Variants in RABGAP1L observed in about 807,000 individuals in gnomAD.
The protein encoded by RABGAP1L is rab GTPase-activating protein 1-like.
Under a neutral mutation model 137.7 loss-of-function variants are expected in RABGAP1L, and 63 were observed. The observed-to-expected ratio is 0.46, with a 90% CI of 0.37 to 0.56. The LOEUF is 0.56. Ranked by LOEUF, RABGAP1L falls within the 20% of genes least tolerant of loss-of-function variation. The pLI, the probability that RABGAP1L is intolerant of heterozygous loss-of-function variation, is 0.00. For synonymous variants in RABGAP1L, 431 were observed against 433.7 expected (o/e 0.99, Z 0.08); for missense variants, 1,095 against 1,244.0 (o/e 0.88, Z 1.80).
intron 4 of RABGAP1L, among the ~76,000 whole-genome samples, chr1:174,234,674 G>A (rs566342591): frequency 6.5e-4 from 98 of 151,292 alleles, no homozygotes; most frequent in Non-Finnish European, 9.6e-4. Flanking sequence ...CTGTAGCCTT[G>A]TAGTATAGTT....
intron 19 of RABGAP1L, among the ~76,000 whole-genome samples, chr1:174,921,550 G>A (rs927588345): frequency 6.6e-6 from 1 of 152,136 alleles, no homozygotes; most frequent in African/African-American, 2.4e-5. Context: ...TTTGAGATGT[G>A]AGCATCAATT....
chr1:174,334,751 A>T (rs904175771), intron 11 of RABGAP1L, among the ~76,000 whole-genome samples: 1 of 152,130 alleles, frequency 6.6e-6, no homozygotes, highest in Non-Finnish European at 1.5e-5. Flanking sequence ...AAATCTTGCC[A>T]GCTCAGTAAA....
chr1:174,551,021 T>TATATATATATATATACAC (rs1553330343), intron 13 of RABGAP1L, among the ~76,000 whole-genome samples: 12 of 122,790 alleles, frequency 9.8e-5, no homozygotes, highest in African/African-American at 4.6e-4. Context: ...TATATATATA[T>TATATATATATATATACAC]ACATACACAC....
At chr1:174,285,026 GTTGTT>G (rs1443262104) in intron 10 of RABGAP1L, among the ~76,000 whole-genome samples, 1 of 151,058 alleles carries the variant, frequency 6.6e-6, no homozygotes, top group Non-Finnish European at 1.5e-5. Flanking sequence ...TTTGTTTTTT[GTTGTT>G]TTGTGATGGA....
Position 174,543,531 on chromosome 1 carries a change from T to G in RABGAP1L, c.1711-93844T>G, listed in dbSNP as rs138127747. On this transcript the variant is annotated intron_variant, in intron 13 of 25. Transcript: ENST00000681986. ...TTTCCTGAATACAGCACACTGATGG[T>G]TCTTGACTCTTTATCCAATTTAACA... 8.1e-3 allele frequency among the ~76,000 whole-genome samples: 1,227 copies of G among 152,266 alleles called. 11 individuals carry two copies. Among genetic ancestry groups the G allele is most frequent in the African/African-American group, 0.027 (1,128 of 41,570 alleles).
At chr1:174,857,824 CAAAAT>C (rs1300665446) in intron 19 of RABGAP1L, among the ~76,000 whole-genome samples, 1 of 152,064 alleles carries the variant, frequency 6.6e-6, no homozygotes, top group East Asian at 1.9e-4. Flanking sequence ...AGAACCTTCT[CAAAAT>C]AAAAGAAAGT....
intron 13 of RABGAP1L, among the ~76,000 whole-genome samples, chr1:174,557,497 G>A (rs1332365419): frequency 6.6e-6 from 1 of 152,138 alleles, no homozygotes; most frequent in Admixed American, 6.5e-5. Context: ...TTGGGGAACT[G>A]TGGCTCCACC....
chr1:174,934,770 A>C (rs1194102447), intron 19 of RABGAP1L, among the ~76,000 whole-genome samples: 3 of 152,176 alleles, frequency 2.0e-5, no homozygotes, highest in Non-Finnish European at 2.9e-5. Context: ...CAGCCTAGGC[A>C]CCAGAGTGAT....
At chr1:174,193,048 G>A (rs1227900219) in intron 1 of RABGAP1L, among the ~76,000 whole-genome samples, 5 of 152,160 alleles carry the variant, frequency 3.3e-5, no homozygotes, top group Admixed American at 2.0e-4. Flanking sequence ...TGATGACTGC[G>A]AACATAAACA....
At position 174,288,649 on chromosome 1, in the gene RABGAP1L, G is replaced by C. The variant is rs547996743; in HGVS notation, c.1323+9870G>C. ...TTTTCATAATTCTCTCTTTGTCTTT[G>C]ACTTTTGACAATTTAATTATACTAT... On this transcript the variant is annotated intron_variant, in intron 10 of 25. Coordinates refer to ENST00000681986, the MANE Select transcript of RABGAP1L (RefSeq NM_001366446.1). 3.3e-5 allele frequency among the ~76,000 whole-genome samples: 5 copies of C among 152,180 alleles called. No homozygotes were observed. The East Asian group carries it at 9.7e-4, about 29-fold the overall frequency.
chr1:174,536,031 TG>T (rs1664861792), intron 13 of RABGAP1L, among the ~76,000 whole-genome samples: 1 of 152,180 alleles, frequency 6.6e-6, no homozygotes, highest in Admixed American at 6.5e-5. Context: ...TCATCATTGC[TG>T]AATTAATGTA....
At chr1:174,937,292 T>C (rs1486750573) in intron 19 of RABGAP1L, among the ~76,000 whole-genome samples, 1 of 146,722 alleles carries the variant, frequency 6.8e-6, no homozygotes, top group Non-Finnish European at 1.5e-5. Flanking sequence ...ATTAATTTTT[T>C]TTTCTTTTTG....
At chr1:174,629,324 T>G (rs1673146970) in intron 13 of RABGAP1L, among the ~76,000 whole-genome samples, 1 of 152,226 alleles carries the variant, frequency 6.6e-6, no homozygotes. Flanking sequence ...TCATTCCTAT[T>G]AGGCTGTTTA....
At chr1:174,163,152 A>C (rs1245342691) in intron 1 of RABGAP1L, among the ~76,000 whole-genome samples, 1 of 152,162 alleles carries the variant, frequency 6.6e-6, no homozygotes, top group Admixed American at 6.5e-5. Flanking sequence ...ACTCATTTTT[A>C]AAGGAGAGTT....
intron 13 of RABGAP1L, among the ~76,000 whole-genome samples, chr1:174,612,091 T>C (rs531006469): frequency 6.6e-6 from 1 of 152,044 alleles, no homozygotes; most frequent in Non-Finnish European, 1.5e-5. Context: ...TCTAACACTA[T>C]GTTGAATAGG....
chr1:174,482,256 G>C (rs1057492391), intron 13 of RABGAP1L, among the ~76,000 whole-genome samples: 17 of 152,286 alleles, frequency 1.1e-4, no homozygotes, highest in African/African-American at 3.8e-4. Context: ...AGTCTAGTGA[G>C]ACCCATGTCA....
At chr1:174,577,458 A>G (rs1363500881) in intron 13 of RABGAP1L, among the ~76,000 whole-genome samples, 2 of 152,030 alleles carry the variant, frequency 1.3e-5, no homozygotes, top group African/African-American at 4.8e-5. Context: ...TTAGAACAGT[A>G]CCTGGCAACC....
At chr1:174,683,861 A>G (rs1678267650) in intron 15 of RABGAP1L, among the ~76,000 whole-genome samples, 1 of 152,242 alleles carries the variant, frequency 6.6e-6, no homozygotes, top group Admixed American at 6.5e-5. Context: ...GAATTAAAGA[A>G]GTCGGTATAA....
chr1:174,773,938 C>G lies in RABGAP1L; in HGVS notation c.2211+21584C>G, dbSNP rs544501049. On this transcript the variant is annotated intron_variant, in intron 18 of 25. Transcript: ENST00000681986. Reference sequence around the variant, plus strand: ...CACTGCCCAATATGTTTTTATGACCCTTTTTATCTGTAAGAGTTGCTGGTA... The same window carrying G: ...CACTGCCCAATATGTTTTTATGACCGTTTTTATCTGTAAGAGTTGCTGGTA... Among the ~76,000 whole-genome samples, 61 of 152,200 alleles carry G rather than the reference C, an allele frequency of 4.0e-4. 1 individual carries two copies. Among genetic ancestry groups the G allele is most frequent in the East Asian group, 5.8e-4 (3 of 5,180 alleles).
Sources: gnomAD v4.1 joint callset for allele counts (sites outside exome capture counted in the v4.1 genomes callset) on GRCh38, gnomAD v4.1.1 for gene constraint, MANE v1.5 for transcripts, NCBI Gene and HGNC (gene_info 2026-07-23, HGNC 2026-07-21) for gene names.